ABAT: variants seen among roughly 807,000 people sequenced by gnomAD.
ABAT encodes the protein 4-aminobutyrate aminotransferase.
In ABAT, 45 loss-of-function variants were observed where a neutral mutation model predicts 64.6. The observed-to-expected ratio is 0.70, with a 90% CI of 0.55 to 0.89. The LOEUF is 0.89. ABAT is among the 40% of genes least tolerant of loss of function. ABAT has a pLI of 0.00. For synonymous variants in ABAT, 297 were observed against 250.5 expected (o/e 1.19, Z -1.75); for missense variants, 633 against 658.4 (o/e 0.96, Z 0.42).
chr16:8,736,058 G>A (rs1405994165), intron 2 of ABAT: 22 of 494,222 alleles, frequency 4.5e-5, no homozygotes, highest in East Asian at 3.0e-4. Flanking sequence ...CAATCATGGC[G>A]GAAGGTGAAG....
At chr16:8,690,228 CT>C (rs1226477843) in intron 1 of ABAT, among the ~76,000 whole-genome samples, 1 of 152,190 alleles carries the variant, frequency 6.6e-6, no homozygotes, top group African/African-American at 2.4e-5. Flanking sequence ...GTCTGGAACT[CT>C]TTTCTCCCCA....
Position 8,775,557 on chromosome 16 carries a change from T to C in ABAT, c.1122+500T>C, listed in dbSNP as rs887636136. On this transcript the variant is annotated intron_variant, in intron 13 of 15. Transcript: ENST00000268251. Reference sequence around the variant, plus strand: ...TACACTGTGTACTGCCATGTGTGCATACAGATTTACACACACACACACACA... The same window carrying C: ...TACACTGTGTACTGCCATGTGTGCACACAGATTTACACACACACACACACA... 9.9e-5 allele frequency among the ~76,000 whole-genome samples: 4 copies of C among 40,390 alleles called. No individual in the cohort carries two copies. In the East Asian group the frequency reaches 3.8e-3, roughly 38 times the overall value. The allele number at this position is 40,390 out of a possible 152,430, so 26.5% of individuals were successfully genotyped here. A position where few individuals can be genotyped will look rare whatever the true frequency, so the allele number is the denominator to read the frequency against.
chr16:8,776,500 C>A lies in ABAT; in HGVS notation c.1269+10C>A, dbSNP rs1340636662. ...ACTGCTGGACCTCCAGGTAACACCC[C>A]CTCCCCTGCCCCGCCCCCACCACCC... is the stretch of plus-strand genomic sequence containing the variant. On this transcript the variant is annotated intron_variant, in intron 14 of 15. Coordinates refer to ENST00000268251, the MANE Select transcript of ABAT (RefSeq NM_020686.6). The surrounding 1 kb of genome is among the most constrained non-coding windows in gnomAD (Gnocchi z 4.4). 1 of 1,598,760 alleles carries A rather than the reference C, an allele frequency of 6.3e-7. No individual in the cohort carries two copies.
intron 12 of ABAT, 147 bp downstream of exon 12, chr16:8,773,064 G>A (rs1261035250): frequency 1.2e-5 from 12 of 963,058 alleles, no homozygotes; most frequent in Middle Eastern, 3.3e-4. Flanking sequence ...GGGTGGAGAA[G>A]TTGGGGTTGG....
intron 1 of ABAT, among the ~76,000 whole-genome samples, chr16:8,693,045 G>A (rs2057621644): frequency 6.6e-6 from 1 of 151,818 alleles, no homozygotes; most frequent in Non-Finnish European, 1.5e-5. Context: ...GTAGAGAATG[G>A]GGTTTTACCA....
intron 11 of ABAT, among the ~76,000 whole-genome samples, chr16:8,771,468 CTTTTT>C (rs144671840): frequency 7.7e-6 from 1 of 130,060 alleles, no homozygotes; most frequent in Admixed American, 7.8e-5. Flanking sequence ...GTTTTTCTTT[CTTTTT>C]TTTTTTTTTT....
chr16:8,743,405 CTT>C (rs1330891710), intron 2 of ABAT, among the ~76,000 whole-genome samples: 1 of 79,760 alleles, frequency 1.3e-5, no homozygotes, highest in Non-Finnish European at 2.2e-5. Flanking sequence ...AGAGTCCCCT[CTT>C]GTGTAATGGA....
In ABAT at chr16:8,719,986, A is replaced by AT. The variant is rs539610812; in HGVS notation, c.-41-15706dup. On this transcript the variant is annotated intron_variant, in intron 1 of 15. Coordinates refer to ENST00000268251, the MANE Select transcript of ABAT (RefSeq NM_020686.6). ...GCCACCACGCCCAGCTGATTTCTGT[A>AT]TTTTTTTGTAGAGTTGGGACTTCAC... Among the ~76,000 whole-genome samples, 475 of 152,088 alleles carry AT rather than the reference A, an allele frequency of 3.1e-3. 2 individuals carry two copies. Among genetic ancestry groups the AT allele is most frequent in the Middle Eastern group, 0.02 (6 of 294 alleles).
chr16:8,761,344 C>G (rs543877321), intron 6 of ABAT, among the ~76,000 whole-genome samples: 4 of 152,166 alleles, frequency 2.6e-5, no homozygotes, highest in Admixed American at 1.3e-4. Context: ...CCAAACTGTG[C>G]CGCGTGTGGA....
Position 8,774,982 on chromosome 16 carries a change from A to C in ABAT, c.1047A>C (p.Pro349=), listed in dbSNP as rs761184958. ...WAHEHWGLDD[P]ADVMTFSKKM... ...ATGAGCACTGGGGCCTGGATGACCC[A>C]GCAGACGTGATGACCTTCAGCAAGA... Residue 349 remains proline (P), a synonymous_variant, in exon 13 of 16, where the codon CCA becomes CCC. Coordinates refer to ENST00000268251, the MANE Select transcript of ABAT (RefSeq NM_020686.6). The C allele has an allele frequency of 6.2e-7, 1 of 1,614,232 alleles. No individual in the cohort carries two copies. The highest frequency in any genetic ancestry group is 8.5e-7 in the Non-Finnish European group (1 of 1,180,044).
intron 1 of ABAT, among the ~76,000 whole-genome samples, chr16:8,703,111 C>G (rs1423348293): frequency 6.6e-6 from 1 of 151,824 alleles, no homozygotes; most frequent in East Asian, 1.9e-4. Flanking sequence ...AGGATACTGG[C>G]TTTCTAGATA....
In ABAT at chr16:8,776,866, T is replaced by A. The variant is rs927595770; in HGVS notation, c.1269+376T>A. On this transcript the variant is annotated intron_variant, in intron 14 of 15. Transcript: ENST00000268251. The surrounding 1 kb of genome is among the most constrained non-coding windows in gnomAD (Gnocchi z 4.4). Reference sequence around the variant, plus strand: ...AGTGCTGGGCAGCGCCTGCCGGCACTGGTTATCTTTCTTATTTATTTTATT... The same window carrying A: ...AGTGCTGGGCAGCGCCTGCCGGCACAGGTTATCTTTCTTATTTATTTTATT... 4.6e-5 allele frequency among the ~76,000 whole-genome samples: 7 copies of A among 151,198 alleles called. No homozygotes were observed. Among genetic ancestry groups the A allele is most frequent in the African/African-American group, 1.5e-4 (6 of 41,102 alleles).
At chr16:8,696,766 CT>C (rs2057712586) in intron 1 of ABAT, among the ~76,000 whole-genome samples, 1 of 152,176 alleles carries the variant, frequency 6.6e-6, no homozygotes, top group African/African-American at 2.4e-5. Flanking sequence ...AGCCGGGTGC[CT>C]GGGGGGCAGA....
chr16:8,738,616 GTTTTTGTTTTTGTTTTTT>G (rs1344630269), intron 2 of ABAT, among the ~76,000 whole-genome samples: 4 of 117,576 alleles, frequency 3.4e-5, no homozygotes, highest in Admixed American at 8.1e-5. Flanking sequence ...TTTTGTTTTT[GTTTTTGTTTTTGTTTTTT>G]TTTTGGTGTG....
chr16:8,760,676 G>C (rs1235568412), intron 6 of ABAT, among the ~76,000 whole-genome samples: 1 of 152,174 alleles, frequency 6.6e-6, no homozygotes, highest in Non-Finnish European at 1.5e-5. Flanking sequence ...AGATGCCTTG[G>C]CAGTTGGTGC....
intron 4 of ABAT, among the ~76,000 whole-genome samples, 164 bp downstream of exon 4, chr16:8,748,301 G>A (rs1238837846): frequency 6.6e-6 from 1 of 152,062 alleles, no homozygotes; most frequent in East Asian, 1.9e-4. Flanking sequence ...TGACCCATTA[G>A]TTACTTACAT....
chr16:8,747,904 G>A (rs974345403), intron 3 of ABAT, among the ~76,000 whole-genome samples: 2 of 151,718 alleles, frequency 1.3e-5, no homozygotes, highest in Non-Finnish European at 2.9e-5. Context: ...CCTGTCTATC[G>A]TACTAGTAAT....
chr16:8,721,349 C>A (rs1005500784), intron 1 of ABAT, among the ~76,000 whole-genome samples: 4 of 152,072 alleles, frequency 2.6e-5, no homozygotes, highest in African/African-American at 9.7e-5. Context: ...ATATGCAGGG[C>A]CCACCGTCCA....
At chr16:8,677,264 G>A (rs1367674570) in intron 1 of ABAT, among the ~76,000 whole-genome samples, 1 of 152,240 alleles carries the variant, frequency 6.6e-6, no homozygotes, top group African/African-American at 2.4e-5. Context: ...GAAGTGGGGA[G>A]GTGCTTATGC....
Sources: allele counts gnomAD v4.1 joint callset (sites outside exome capture counted in the v4.1 genomes callset), GRCh38; gene constraint gnomAD v4.1.1; non-coding constraint Gnocchi (gnomAD v3.1); transcripts MANE v1.5; gene names NCBI Gene and HGNC (gene_info 2026-07-23, HGNC 2026-07-21).